Variants in PRDM5 observed in about 807,000 individuals in gnomAD.
PRDM5 encodes the protein PR domain zinc finger protein 5.
In PRDM5, 56 loss-of-function variants were observed where a neutral mutation model predicts 81.2. The observed-to-expected ratio is 0.69, with a 90% confidence interval of 0.56 to 0.86. The LOEUF (loss-of-function observed/expected upper bound fraction) is 0.86, where lower values mean the gene tolerates loss of function less well. Among genes scored for constraint, PRDM5 ranks in the 40% least tolerant of loss-of-function variants. The pLI is 0.00. For missense variants in PRDM5, 697 were observed against 770.1 expected (o/e 0.91, Z 1.12); for synonymous variants, 267 against 256.4 (o/e 1.04, Z -0.39).
intron 8 of PRDM5, among the ~76,000 whole-genome samples, chr4:120,807,188 A>T (rs1370588376): frequency 1.3e-5 from 2 of 152,248 alleles, no homozygotes; most frequent in Non-Finnish European, 2.9e-5. Flanking sequence ...ATCACTAAAA[A>T]GTCAGAGAAC....
intron 14 of PRDM5, among the ~76,000 whole-genome samples, chr4:120,750,914 G>C (rs1743911438): frequency 6.6e-6 from 1 of 152,020 alleles, no homozygotes; most frequent in African/African-American, 2.4e-5. Context: ...TGAAAAAGGT[G>C]GGCCACACAG....
intron 10 of PRDM5, among the ~76,000 whole-genome samples, chr4:120,796,809 C>A (rs1198120584): frequency 1.3e-5 from 2 of 152,010 alleles, no homozygotes; most frequent in African/African-American, 2.4e-5. Context: ...AAAATGAAGT[C>A]TTTGGAAGTA....
chr4:120,849,155 C>T (rs1032307222), intron 3 of PRDM5, among the ~76,000 whole-genome samples: 1 of 152,174 alleles, frequency 6.6e-6, no homozygotes, highest in Non-Finnish European at 1.5e-5. Flanking sequence ...TCTGTATCAA[C>T]ATTATTTGTT....
chr4:120,890,559 G>A (rs890821107), intron 2 of PRDM5, among the ~76,000 whole-genome samples: 1 of 152,188 alleles, frequency 6.6e-6, no homozygotes, highest in Non-Finnish European at 1.5e-5. Context: ...TTTCCACAAT[G>A]GCTGAACTTA....
At chr4:120,820,065 T>C (rs1337373037) in intron 4 of PRDM5, among the ~76,000 whole-genome samples, 1 of 152,240 alleles carries the variant, frequency 6.6e-6, no homozygotes, top group Non-Finnish European at 1.5e-5. Flanking sequence ...AGTATCAGCC[T>C]GCTATGGTCT....
intron 2 of PRDM5, among the ~76,000 whole-genome samples, chr4:120,899,679 A>G (rs1765029786): frequency 6.6e-6 from 1 of 152,186 alleles, no homozygotes; most frequent in Non-Finnish European, 1.5e-5. Context: ...TATTCAGATT[A>G]TTCAGTACCA....
At chr4:120,915,181 A>G (rs1210478168) in intron 1 of PRDM5, among the ~76,000 whole-genome samples, 2 of 152,220 alleles carry the variant, frequency 1.3e-5, no homozygotes, top group Non-Finnish European at 2.9e-5. Context: ...TCCACCAAGA[A>G]GGTTAGTAAG....
chr4:120,854,124 G>C (rs1405451812), intron 2 of PRDM5, among the ~76,000 whole-genome samples: 3 of 152,168 alleles, frequency 2.0e-5, no homozygotes, highest in Non-Finnish European at 2.9e-5. Flanking sequence ...GATTGCTGAG[G>C]ATGGTGGGCT....
chr4:120,863,191 T>TACACACACACACACACACAC lies in PRDM5; in HGVS notation c.178-9671_178-9652dup, dbSNP rs370387683. Among the ~76,000 whole-genome samples the TACACACACACACACACACAC allele has an allele frequency of 3.4e-3, 240 of 70,262 alleles. 2 individuals carry two copies. Among genetic ancestry groups the TACACACACACACACACACAC allele is most frequent in the Non-Finnish European group, 5.7e-3 (205 of 35,954 alleles). The allele number at this position is 70,262 out of a possible 152,430, so 46.1% of individuals were successfully genotyped here. On this transcript the variant is annotated intron_variant, in intron 2 of 15. Coordinates refer to ENST00000264808, the MANE Select transcript of PRDM5 (RefSeq NM_018699.4). The stretch of plus-strand genomic sequence containing the variant: ...AAAAAAAAAAATATATATATATATA[T>TACACACACACACACACACAC]ACACACACACACACACACACACACA...
At chr4:120,921,985 G>A (rs1184276662) in intron 1 of PRDM5, among the ~76,000 whole-genome samples, 1 of 152,220 alleles carries the variant, frequency 6.6e-6, no homozygotes, top group Non-Finnish European at 1.5e-5. Context: ...GCGTATGAAT[G>A]AGATTCTACG....
chr4:120,741,411 CA>C (rs749180972), intron 14 of PRDM5, among the ~76,000 whole-genome samples: 18 of 151,586 alleles, frequency 1.2e-4, no homozygotes, highest in African/African-American at 1.2e-4. Context: ...TTTTGGTTAT[CA>C]GGGGGGAGGA....
chr4:120,820,625 C>T (rs761883083), intron 4 of PRDM5, among the ~76,000 whole-genome samples: 4 of 152,176 alleles, frequency 2.6e-5, no homozygotes, highest in Non-Finnish European at 5.9e-5. Flanking sequence ...ACTAGGGCAA[C>T]CTAGCAATCC....
At chr4:120,696,818 G>A (rs1000837969) in intron 15 of PRDM5, among the ~76,000 whole-genome samples, 3 of 152,236 alleles carry the variant, frequency 2.0e-5, no homozygotes, top group African/African-American at 7.2e-5. Flanking sequence ...GTTCTAAAGA[G>A]TGGCAGTCCC....
chr4:120,884,917 G>C (rs188176532), intron 2 of PRDM5, among the ~76,000 whole-genome samples: 2 of 151,710 alleles, frequency 1.3e-5, no homozygotes, highest in Non-Finnish European at 2.9e-5. Flanking sequence ...TAATCCCAGC[G>C]AGTCGGGTGG....
intron 14 of PRDM5, among the ~76,000 whole-genome samples, chr4:120,750,687 T>TACACACACACAC (rs56024428): frequency 3.7e-4 from 54 of 147,628 alleles, no homozygotes; most frequent in Admixed American, 1.3e-3. Context: ...TAGTTTCTTT[T>TACACACACACAC]ACACACACAC....
rs759022476 is a variant in PRDM5 at position 120,781,274 on chromosome 4, C to G, written c.1312G>C (p.Asp438His). Reference protein sequence around the residue: ...SERTFKCHHCDATFKRKDTLN... With the variant: ...SERTFKCHHCHATFKRKDTLN... The stretch of plus-strand genomic sequence containing the variant: ...GTATCCTTCCTCTTAAAGGTAGCAT[C>G]GCAGTGATGGCACTTGAAAGTCCTC... Residue 438 changes from aspartate (D) to histidine (H), a missense_variant, in exon 12 of 16, where the codon GAT becomes CAT. Around this residue, in one of 3 missense-constraint regions of PRDM5, gnomAD observed 577 missense variants for 606.7 expected, o/e 0.95. Transcript: ENST00000264808. The G allele has an allele frequency of 8.1e-6, 13 of 1,613,070 alleles. No homozygotes were observed. Among genetic ancestry groups the G allele is most frequent in the African/African-American group, 2.7e-5 (2 of 74,860 alleles).
intron 13 of PRDM5, among the ~76,000 whole-genome samples, chr4:120,774,902 A>ATATATATGTATATGTATATGTATATG (rs1553963976): frequency 2.4e-4 from 35 of 146,048 alleles, no homozygotes; most frequent in African/African-American, 8.5e-4. Context: ...ATATATATAT[A>ATATATATGTATATGTATATGTATATG]TATATGTATA....
At chr4:120,760,053 A>C (rs1745373880) in intron 13 of PRDM5, among the ~76,000 whole-genome samples, 1 of 152,202 alleles carries the variant, frequency 6.6e-6, no homozygotes, top group Non-Finnish European at 1.5e-5. Context: ...AGGATAAGTA[A>C]TTTTCTCAAG....
intron 13 of PRDM5, among the ~76,000 whole-genome samples, chr4:120,759,310 T>G (rs762251958): frequency 6.6e-6 from 1 of 152,232 alleles, no homozygotes; most frequent in African/African-American, 2.4e-5. Flanking sequence ...AGCAATTTAT[T>G]TGAAAACTAT....
Sources: gnomAD v4.1 joint callset for allele counts (sites outside exome capture counted in the v4.1 genomes callset) on GRCh38, gnomAD v4.1.1 for gene constraint, gnomAD v4.1.1 regional missense constraint, MANE v1.5 for transcripts, NCBI Gene and HGNC (gene_info 2026-07-23, HGNC 2026-07-21) for gene names.